THOC2: variants seen among roughly 807,000 people sequenced by gnomAD.
THOC2 encodes the protein THO complex subunit 2, also known as THO complex 2.
A neutral mutation model predicts 128.4 loss-of-function variants in THOC2; 10 were observed. The observed-to-expected ratio is 0.08, with a 90% CI of 0.05 to 0.13. The LOEUF (loss-of-function observed/expected upper bound fraction) is 0.13. THOC2 is among the 10% of genes least tolerant of loss of function. The probability of loss-of-function intolerance (pLI) is 1.00; values close to 1 mark genes in which losing one functional copy is unlikely to be tolerated. For missense variants in THOC2, 535 were observed against 1,155.7 expected, an observed-to-expected ratio of 0.46 and a Z score of 7.79; for synonymous variants, 393 against 396.9, an observed-to-expected ratio of 0.99 and a Z score of 0.12.
rs1412537425 is a variant in THOC2, at chrX:123,671,746, T to A, written c.784A>T (p.Thr262Ser). 1.4e-5 allele frequency: 16 copies of A among 1,173,047 alleles called. No individual in the cohort carries two copies. Among genetic ancestry groups the A allele is most frequent in the Non-Finnish European group, 1.8e-5 (16 of 872,977 alleles). ...FKFYQEPNGETPSSLYRVAAV... is the reference protein window; with the variant it reads ...FKFYQEPNGESPSSLYRVAAV... ...GCAACTCTGTATAAAGATGATGGTG[T>A]CTCGCCATTTGGTTCCTAGAAATAT... Residue 262 changes from threonine (T) to serine (S), a missense_variant, in exon 9 of 39, where the codon ACA (threonine) becomes TCA (serine). Physicochemically the swap from Thr to Ser is moderately conservative, Grantham distance 58. Coordinates refer to ENST00000245838, the MANE Select transcript of THOC2 (RefSeq NM_001081550.2).
chrX:123,732,615 G>A (rs182267697), intron 1 of THOC2, among the ~76,000 whole-genome samples: 1 of 111,944 alleles, frequency 8.9e-6, no homozygotes, highest in African/African-American at 3.2e-5. Context: ...TAAAGATAAA[G>A]GAGCCAAGTG....
At chrX:123,700,369 C>T (rs2050640614) in intron 4 of THOC2, among the ~76,000 whole-genome samples, 3 of 107,371 alleles carry the variant, frequency 2.8e-5, no homozygotes, top group African/African-American at 1.0e-4. Context: ...GGCGTGCTGG[C>T]ACATGCCTGT....
At chrX:123,665,858 A>G in intron 11 of THOC2, 21 bp from the exon 12 acceptor site, 1 of 925,769 alleles carries the variant, frequency 1.1e-6, no homozygotes, top group Non-Finnish European at 1.4e-6. Flanking sequence ...AAGTAAAATA[A>G]ATAAATAAAC....
intron 23 of THOC2, among the ~76,000 whole-genome samples, chrX:123,627,379 T>C (rs181447013): frequency 1.8e-4 from 20 of 111,734 alleles, no homozygotes; most frequent in Non-Finnish European, 2.4e-4. Flanking sequence ...GGCTTCTCAA[T>C]AGTCTTCTCC....
chrX:123,721,143 T>G (rs1217105473), intron 1 of THOC2, among the ~76,000 whole-genome samples: 1 of 107,264 alleles, frequency 9.3e-6, no homozygotes, highest in Non-Finnish European at 2.0e-5. Context: ...CATGTTGTTT[T>G]GGGGTTTTTT....
chrX:123,683,644 G>C (rs1157978356), intron 8 of THOC2, among the ~76,000 whole-genome samples: 1 of 108,550 alleles, frequency 9.2e-6, no homozygotes, highest in Non-Finnish European at 1.9e-5. Context: ...TGTTGCCCAG[G>C]CTGGAGTGCA....
intron 22 of THOC2, among the ~76,000 whole-genome samples, chrX:123,629,107 T>C (rs893429784): frequency 9.3e-6 from 1 of 107,961 alleles, no homozygotes; most frequent in Non-Finnish European, 1.9e-5. Context: ...ATGCCAAATA[T>C]ATTATACATA....
chrX:123,712,529 T>A (rs1428818276), intron 2 of THOC2, among the ~76,000 whole-genome samples: 1 of 111,797 alleles, frequency 8.9e-6, no homozygotes, highest in Non-Finnish European at 1.9e-5. Context: ...TCAGAACAAT[T>A]TTTCTTTCCA....
At chrX:123,648,440 G>A (rs1035785798) in intron 12 of THOC2, among the ~76,000 whole-genome samples, 2 of 111,461 alleles carry the variant, frequency 1.8e-5, no homozygotes, top group Non-Finnish European at 3.8e-5. Flanking sequence ...CCCCAGTAGC[G>A]CCTGGAACAC....
At chrX:123,708,647 G>A (rs1487725043) in intron 2 of THOC2, among the ~76,000 whole-genome samples, 1 of 111,694 alleles carries the variant, frequency 9.0e-6, no homozygotes, top group Admixed American at 9.5e-5. Context: ...GATTAAAATA[G>A]AGAACAAGTG....
At chrX:123,688,724 G>C (rs982985827) in intron 7 of THOC2, among the ~76,000 whole-genome samples, 20 of 110,694 alleles carry the variant, frequency 1.8e-4, no homozygotes, top group African/African-American at 5.9e-4. Flanking sequence ...TCTTGTTTGT[G>C]GTGTTTTCAC....
At chrX:123,634,110 T>G in intron 19 of THOC2, 40 bp from the exon 20 acceptor site, 1 of 792,912 alleles carries the variant, frequency 1.3e-6, no homozygotes, top group Non-Finnish European at 1.9e-6. Context: ...TAGTTAGAAC[T>G]TCAAATATAA....
intron 1 of THOC2, among the ~76,000 whole-genome samples, chrX:123,730,222 A>G (rs1456440794): frequency 9.6e-6 from 1 of 104,131 alleles, no homozygotes; most frequent in Non-Finnish European, 1.9e-5. Flanking sequence ...CTTGTTACCC[A>G]TGCTGGAGTG....
intron 12 of THOC2, among the ~76,000 whole-genome samples, chrX:123,662,996 C>G (rs1242478563): frequency 8.9e-6 from 1 of 112,004 alleles, no homozygotes. Context: ...AAGTCTCATA[C>G]AATAGCTGTT....
chrX:123,665,930 A>G, intron 11 of THOC2, 93 bp from the exon 12 acceptor site: 1 of 523,404 alleles, frequency 1.9e-6, no homozygotes, highest in East Asian at 5.0e-5. Context: ...CTACCATTTT[A>G]ACAAAGTTAT....
Position 123,703,460 on chromosome X carries a change from T to C in THOC2, c.268A>G (p.Ile90Val), listed in dbSNP as rs778199722. The C allele has an allele frequency of 8.6e-7, 1 of 1,168,677 alleles. No homozygotes were observed. The highest frequency in any genetic ancestry group is 1.8e-5 in the African/African-American group (1 of 56,145). ...MPSILADVFC[I>V]LDIETNCLEE... ...ATAAAGGCTTAATACCTACCTAATA[T>C]GCAGAATACATCAGCAAGAATGGAG... The change falls in exon 4 of 39, where the codon ATA (isoleucine) becomes GTA (valine). Residue 90 changes from isoleucine (I) to valine (V), a missense_variant. By Grantham distance (29) the Ile-to-Val change is conservative. This residue lies in a region of THOC2 where 61 missense variants were observed against 84.3 expected (regional missense o/e 0.72). Coordinates refer to ENST00000245838, the MANE Select transcript of THOC2 (RefSeq NM_001081550.2).
chrX:123,702,256 G>A (rs965928197), intron 4 of THOC2, among the ~76,000 whole-genome samples: 4 of 110,223 alleles, frequency 3.6e-5, no homozygotes, highest in African/African-American at 1.3e-4. Flanking sequence ...GCAACATAGC[G>A]AGACTCTGCC....
intron 36 of THOC2, among the ~76,000 whole-genome samples, chrX:123,613,156 G>A (rs760653029): frequency 9.0e-6 from 1 of 110,861 alleles, no homozygotes; most frequent in South Asian, 3.8e-4. Flanking sequence ...ACAGAAGTAG[G>A]TGGGAATGGA....
intron 26 of THOC2, 42 bp from the exon 27 acceptor site, chrX:123,624,233 T>C: frequency 1.8e-6 from 2 of 1,105,830 alleles, no homozygotes; most frequent in Middle Eastern, 2.9e-4. Context: ...AAAATTATGA[T>C]CCACAAAATA....
Sources: allele counts gnomAD v4.1 joint callset (sites outside exome capture counted in the v4.1 genomes callset), GRCh38; gene constraint gnomAD v4.1.1; regional missense constraint gnomAD v4.1.1; transcripts MANE v1.5; gene names NCBI Gene and HGNC (gene_info 2026-07-23, HGNC 2026-07-21).